Variants in MERTK observed in about 807,000 individuals in gnomAD.
MERTK encodes the protein tyrosine-protein kinase Mer.
In MERTK, 69 loss-of-function variants were observed where a neutral mutation model predicts 99.3. That is an observed-to-expected ratio of 0.70 (90% CI 0.57 to 0.85). MERTK has a LOEUF of 0.85. Among genes scored for constraint, MERTK ranks in the 40% least tolerant of loss-of-function variants. The probability of loss-of-function intolerance (pLI) is 0.00; values close to 1 mark genes in which losing one functional copy is unlikely to be tolerated. For synonymous variants in MERTK, 426 were observed against 467.6 expected (o/e 0.91, Z 1.15); for missense variants, 1,125 against 1,249.4 (o/e 0.90, Z 1.50).
At chr2:111,964,012 T>C (rs1573604676) in intron 4 of MERTK, among the ~76,000 whole-genome samples, 2 of 144,764 alleles carry the variant, frequency 1.4e-5, no homozygotes, top group South Asian at 4.5e-4. Flanking sequence ...CTCAGGTAGT[T>C]TGTCAGTTTC....
chr2:112,020,243 G>C (rs1017070759), intron 16 of MERTK, among the ~76,000 whole-genome samples: 10 of 152,132 alleles, frequency 6.6e-5, no homozygotes, highest in African/African-American at 7.2e-5. Flanking sequence ...AACACTAAAG[G>C]GGTTTTGGTT....
At chr2:111,962,183 A>T (rs1473157523) in intron 4 of MERTK, among the ~76,000 whole-genome samples, 3 of 152,236 alleles carry the variant, frequency 2.0e-5, no homozygotes, top group African/African-American at 7.2e-5. Context: ...TCAACTACAT[A>T]GTAAATACTT....
chr2:111,948,554 C>T (rs1685000110), intron 4 of MERTK, among the ~76,000 whole-genome samples: 2 of 152,210 alleles, frequency 1.3e-5, no homozygotes, highest in Non-Finnish European at 1.5e-5. Context: ...AAACTCTTAA[C>T]CCCAGACTTG....
At chr2:111,904,940 A>G (rs1051057010) in intron 1 of MERTK, among the ~76,000 whole-genome samples, 2 of 152,196 alleles carry the variant, frequency 1.3e-5, no homozygotes, top group African/African-American at 4.8e-5. Flanking sequence ...CACTCTGGGC[A>G]TTGGCTAACC....
chr2:111,988,632 C>T (rs1676542842), intron 8 of MERTK, among the ~76,000 whole-genome samples: 1 of 152,208 alleles, frequency 6.6e-6, no homozygotes, highest in African/African-American at 2.4e-5. Context: ...ATGTGTTTTA[C>T]ATAAAGGAAC....
At chr2:112,010,422 C>G (rs1051299576) in intron 15 of MERTK, among the ~76,000 whole-genome samples, 1 of 152,160 alleles carries the variant, frequency 6.6e-6, no homozygotes, top group Non-Finnish European at 1.5e-5. Flanking sequence ...GGTGGCTCTC[C>G]TAAAAGAAAT....
intron 6 of MERTK, 136 bp from the exon 7 acceptor site, chr2:111,975,153 T>C: frequency 1.2e-6 from 1 of 829,498 alleles, no homozygotes; most frequent in Non-Finnish European, 2.1e-6. Flanking sequence ...GTAAAATGTG[T>C]GTGTGCCCAG....
intron 1 of MERTK, among the ~76,000 whole-genome samples, chr2:111,927,124 A>T (rs1684582786): frequency 6.6e-6 from 1 of 152,216 alleles, no homozygotes; most frequent in African/African-American, 2.4e-5. Context: ...GATAAGGAAA[A>T]GTCTTCCTGT....
chr2:112,000,670 G>A (rs1573631688), intron 10 of MERTK, among the ~76,000 whole-genome samples: 1 of 152,298 alleles, frequency 6.6e-6, no homozygotes, highest in Middle Eastern at 3.4e-3. Flanking sequence ...TCACCTGGCT[G>A]AAGTAGTATT....
At chr2:111,978,833 GAC>G (rs1278891857) in intron 7 of MERTK, among the ~76,000 whole-genome samples, 1 of 152,176 alleles carries the variant, frequency 6.6e-6, no homozygotes, top group Non-Finnish European at 1.5e-5. Flanking sequence ...TTTGTTTTGA[GAC>G]ACAGTTAAGC....
chr2:111,916,057 G>A (rs7575552), intron 1 of MERTK, among the ~76,000 whole-genome samples: 36,521 of 151,970 alleles, frequency 0.24, 4,733 homozygotes, highest in South Asian at 0.32. Flanking sequence ...ATTGATCTTC[G>A]AAAGAATGTG....
chr2:112,011,590 A>G (rs1454850099), intron 15 of MERTK, among the ~76,000 whole-genome samples: 1 of 152,124 alleles, frequency 6.6e-6, no homozygotes, highest in Admixed American at 6.5e-5. Context: ...CTCTCATGAA[A>G]AAATACAAAA....
chr2:111,915,809 C>T (rs1684340583), intron 1 of MERTK, among the ~76,000 whole-genome samples: 1 of 152,138 alleles, frequency 6.6e-6, no homozygotes, highest in Admixed American at 6.5e-5. Context: ...GCAGGAGAAT[C>T]ACTTGAACCC....
chr2:111,930,855 G>T (rs1476221344), intron 2 of MERTK, among the ~76,000 whole-genome samples: 1 of 152,084 alleles, frequency 6.6e-6, no homozygotes, highest in Non-Finnish European at 1.5e-5. Flanking sequence ...TTTCCTCTTA[G>T]CCAGGAGGTG....
At chr2:111,971,135 T>A (rs1024457203) in intron 6 of MERTK, among the ~76,000 whole-genome samples, 3 of 152,034 alleles carry the variant, frequency 2.0e-5, no homozygotes, top group African/African-American at 7.2e-5. Context: ...ATTATAACCT[T>A]TTTTATTCTT....
At chr2:111,927,827 C>T (rs1684595867) in intron 1 of MERTK, among the ~76,000 whole-genome samples, 1 of 152,206 alleles carries the variant, frequency 6.6e-6, no homozygotes, top group Admixed American at 6.5e-5. Flanking sequence ...CTGAGCATGG[C>T]AGGAGGCCAG....
Position 111,898,807 on chromosome 2 carries a change from C to T in MERTK, c.61+11C>T. The T allele has an allele frequency of 1.9e-6, 3 of 1,584,356 alleles. No individual in the cohort carries two copies. Among genetic ancestry groups the T allele is most frequent in the Non-Finnish European group, 2.6e-6 (3 of 1,166,050 alleles). On this transcript the variant is annotated intron_variant, in intron 1 of 18. Transcript: ENST00000295408. Reference sequence around the variant, plus strand: ...CGCTCTGGCGTAGAGGTGAGTGCGCCCGGCTGGGGGCCAGGCGAGGGGGTG... The same window carrying T: ...CGCTCTGGCGTAGAGGTGAGTGCGCTCGGCTGGGGGCCAGGCGAGGGGGTG...
intron 1 of MERTK, among the ~76,000 whole-genome samples, chr2:111,911,689 C>A (rs973184400): frequency 1.2e-4 from 7 of 57,696 alleles, no homozygotes; most frequent in African/African-American, 4.0e-4. Context: ...AGCGCCCAGC[C>A]TTTTTTTTTT....
Position 111,947,376 on chromosome 2 carries a change from G to T in MERTK, c.584-18G>T. 1 of 1,592,016 alleles carries T rather than the reference G, an allele frequency of 6.3e-7. No individual in the cohort carries two copies. Among genetic ancestry groups the T allele is most frequent in the African/African-American group, 1.4e-5 (1 of 73,532 alleles). ...TTTCAGATCTGAAACATTCTTTTGTGTAACGTTTTCTCCGCAGGACTTCCT... is the reference window on the plus strand; with the variant it reads ...TTTCAGATCTGAAACATTCTTTTGTTTAACGTTTTCTCCGCAGGACTTCCT... On this transcript the variant is annotated intron_variant, in intron 3 of 18. Coordinates refer to ENST00000295408, the MANE Select transcript of MERTK (RefSeq NM_006343.3).
Sources: gnomAD v4.1 joint callset for allele counts (sites outside exome capture counted in the v4.1 genomes callset) on GRCh38, gnomAD v4.1.1 for gene constraint, MANE v1.5 for transcripts, NCBI Gene and HGNC (gene_info 2026-07-23, HGNC 2026-07-21) for gene names.